CASP10: variants seen among roughly 807,000 people sequenced by gnomAD.
The protein encoded by CASP10 is caspase 10.
CASP10 carries 41 observed loss-of-function variants against 48.5 expected under a neutral mutation model. That is an observed-to-expected ratio of 0.85 (90% CI 0.66 to 1.10). The LOEUF (loss-of-function observed/expected upper bound fraction) is 1.10, where lower values mean the gene tolerates loss of function less well. Among genes scored for constraint, CASP10 ranks in the 50% least tolerant of loss-of-function variants. The probability of loss-of-function intolerance (pLI) is 0.00; values close to 1 mark genes in which losing one functional copy is unlikely to be tolerated. For synonymous variants in CASP10, 232 were observed against 238.4 expected (o/e 0.97, Z 0.25); for missense variants, 614 against 614.5 (o/e 1.00, Z 0.01).
intron 9 of CASP10, among the ~76,000 whole-genome samples, chr2:201,228,292 G>A (rs751821552): frequency 1.3e-5 from 2 of 152,162 alleles, no homozygotes; most frequent in Non-Finnish European, 2.9e-5. Flanking sequence ...CTGAGATCGT[G>A]CCAGTGACAC....
chr2:201,202,438 G>T (rs1030892941), intron 5 of CASP10, among the ~76,000 whole-genome samples: 1 of 152,150 alleles, frequency 6.6e-6, no homozygotes, highest in Admixed American at 6.5e-5. Flanking sequence ...CCCTGTTCTG[G>T]CTGACTTTAT....
intron 9 of CASP10, among the ~76,000 whole-genome samples, chr2:201,210,881 A>T (rs909537029): frequency 6.6e-5 from 10 of 152,216 alleles, no homozygotes; most frequent in African/African-American, 2.4e-4. Context: ...ATTCAACAAT[A>T]TTAAAAGGAG....
At chr2:201,211,702 C>CA (rs1483374372) in intron 9 of CASP10, among the ~76,000 whole-genome samples, 1 of 152,150 alleles carries the variant, frequency 6.6e-6, no homozygotes, top group Non-Finnish European at 1.5e-5. Context: ...ATCTCTCTGA[C>CA]ATATTGATTG....
intron 4 of CASP10, among the ~76,000 whole-genome samples, chr2:201,194,905 A>C (rs943455852): frequency 2.6e-5 from 4 of 151,724 alleles, no homozygotes; most frequent in African/African-American, 4.8e-5. Context: ...CAGCCTCCCA[A>C]GTAGCTGGGA....
intron 9 of CASP10, chr2:201,228,875 T>C: frequency 6.5e-7 from 1 of 1,537,684 alleles, no homozygotes; most frequent in African/African-American, 1.4e-5. Flanking sequence ...TCCAGGTCCT[T>C]GTGTGTGAAA....
intron 7 of CASP10, among the ~76,000 whole-genome samples, chr2:201,207,744 G>A (rs1945254248): frequency 6.6e-6 from 1 of 150,802 alleles, no homozygotes. Context: ...GTGACAGAGC[G>A]AGATGCTGTC....
intron 9 of CASP10, chr2:201,213,388 T>C (rs760266119): frequency 6.6e-6 from 1 of 152,212 alleles, no homozygotes; most frequent in Non-Finnish European, 1.5e-5. Context: ...GAAGGTTTAA[T>C]GCTGTTAATA....
chr2:201,219,996 A>G lies in CASP10; in HGVS notation c.*2255A>G. The G allele has an allele frequency of 1.0e-6, 1 of 985,458 alleles. No homozygotes were observed. Among genetic ancestry groups the G allele is most frequent in the Non-Finnish European group, 1.2e-6 (1 of 829,920 alleles). 61.0% of individuals were successfully genotyped at this position (985,458 alleles called of 1,614,324 possible). A position where few individuals can be genotyped will look rare whatever the true frequency, so the allele number is the denominator to read the frequency against. ...GCTCATAAAAAAATGTCAAGGAATG[A>G]AGAACAACAACTCTCAGTGGTGCCT... is the stretch of plus-strand genomic sequence containing the variant. On this transcript the variant is annotated 3_prime_UTR_variant, in exon 10 of 10. Coordinates refer to ENST00000286186, the MANE Select transcript of CASP10 (RefSeq NM_032977.4).
At chr2:201,208,985 A>T in intron 8 of CASP10, 85 bp from the exon 9 acceptor site, 1 of 1,467,590 alleles carries the variant, frequency 6.8e-7, no homozygotes, top group African/African-American at 1.4e-5. Context: ...GCCTTGTTTC[A>T]GTTCTTCATT....
At chr2:201,198,111 C>CGAGCATCT (rs1391556681) in intron 5 of CASP10, among the ~76,000 whole-genome samples, 85 of 152,176 alleles carry the variant, frequency 5.6e-4, no homozygotes, top group Non-Finnish European at 8.8e-5. Context: ...CTAGGGCTGT[C>CGAGCATCT]GAGCATCTTC....
At position 201,205,962 on chromosome 2, in the gene CASP10, A is replaced by C. The variant is rs770921459; in HGVS notation, c.802A>C (p.Thr268Pro). 2.6e-5 allele frequency: 42 copies of C among 1,610,062 alleles called. No homozygotes were observed. The highest frequency in any genetic ancestry group is 3.1e-5 in the Non-Finnish European group (36 of 1,176,578). ...ATCTGCTAACACTCTAAACTCTGAA[A>C]CCAGCACAAAGGTCTGGATGGTTTC... ...GASANTLNSE[T>P]STKRAAVYRM... Residue 268 changes from threonine to proline, a missense_variant, in exon 7 of 10, where the codon ACC (threonine) becomes CCC (proline). Coordinates refer to ENST00000286186, the MANE Select transcript of CASP10 (RefSeq NM_032977.4).
chr2:201,226,872 G>A (rs1427153098), intron 9 of CASP10, among the ~76,000 whole-genome samples: 1 of 151,906 alleles, frequency 6.6e-6, no homozygotes, highest in African/African-American at 2.4e-5. Context: ...CCAAATATTG[G>A]CAATTTCATA....
At chr2:201,227,331 ACTGT>A (rs889441153) in intron 9 of CASP10, among the ~76,000 whole-genome samples, 6 of 152,154 alleles carry the variant, frequency 3.9e-5, no homozygotes, top group African/African-American at 7.2e-5. Context: ...CAATCTAGTA[ACTGT>A]CTGTTTTTGG....
chr2:201,184,844 A>G (rs1944357738), intron 1 of CASP10, among the ~76,000 whole-genome samples: 1 of 152,148 alleles, frequency 6.6e-6, no homozygotes, highest in Non-Finnish European at 1.5e-5. Context: ...TTTTTAGTGA[A>G]AACAAGTTTA....
At chr2:201,206,026 T>C (rs1042330172) in intron 7 of CASP10, 53 bp downstream of exon 7, 1 of 1,207,730 alleles carries the variant, frequency 8.3e-7, no homozygotes, top group Middle Eastern at 2.6e-4. Context: ...TTTTTCCAAA[T>C]TTAATCAAAA....
Position 201,219,850 on chromosome 2 carries a change from G to A in CASP10, c.*2109G>A. On this transcript the variant is annotated 3_prime_UTR_variant, in exon 10 of 10. Transcript: ENST00000286186. ...CTTCATTTATAGATGAGGCAGCTGA[G>A]GCCTGGGGATGTGAACAACCTGCTC... 1.0e-6 allele frequency: 1 copy of A among 985,282 alleles called. No individual in the cohort carries two copies. Among genetic ancestry groups the A allele is most frequent in the Non-Finnish European group, 1.2e-6 (1 of 829,884 alleles). The allele number at this position is 985,282 out of a possible 1,614,324, so 61.0% of individuals were successfully genotyped here.
chr2:201,206,157 T>G (rs1945198798), intron 7 of CASP10, 184 bp downstream of exon 7: 2 of 513,786 alleles, frequency 3.9e-6, no homozygotes, highest in Non-Finnish European at 7.0e-6. Context: ...TCTTCCCACC[T>G]TTTTCTGTAT....
intron 8 of CASP10, 110 bp from the exon 9 acceptor site, chr2:201,208,960 G>C: frequency 8.3e-7 from 1 of 1,209,782 alleles, no homozygotes; most frequent in Non-Finnish European, 1.2e-6. Flanking sequence ...TTATAGGTGT[G>C]AGCCACTGTG....
Position 201,206,013 on chromosome 2 carries a change from T to A in CASP10, c.813+40T>A, listed in dbSNP as rs17860402. On this transcript the variant is annotated intron_variant, in intron 7 of 9. Coordinates refer to ENST00000286186, the MANE Select transcript of CASP10 (RefSeq NM_032977.4). ...TTTTATTCCTTTTTTAATAAAAAAA[T>A]TTTTTTTCCAAATTTAATCAAAAGG... is the stretch of plus-strand genomic sequence containing the variant. 860 of 1,370,654 alleles carry A rather than the reference T, an allele frequency of 6.3e-4. 3 individuals are homozygous for A. Among genetic ancestry groups the A allele is most frequent in the East Asian group, 2.3e-3 (99 of 42,128 alleles). The allele number at this position is 1,370,654 out of a possible 1,614,324, so 84.9% of individuals were successfully genotyped here.
Sources: gnomAD v4.1 joint callset for allele counts (sites outside exome capture counted in the v4.1 genomes callset) on GRCh38, gnomAD v4.1.1 for gene constraint, MANE v1.5 for transcripts, NCBI Gene and HGNC (gene_info 2026-07-23, HGNC 2026-07-21) for gene names.